The following DNM3 variants were observed in gnomAD, a reference collection of about 807,000 sequenced individuals.
DNM3 encodes the protein dynamin-3.
A neutral mutation model predicts 101.6 loss-of-function variants in DNM3; 47 were observed. The observed-to-expected ratio is 0.46, with a 90% CI of 0.37 to 0.59. DNM3 has a LOEUF of 0.59. Ranked by LOEUF, DNM3 falls within the 20% of genes least tolerant of loss-of-function variation. DNM3 has a pLI of 0.00. For missense variants in DNM3, 849 were observed against 1,085.7 expected, an observed-to-expected ratio of 0.78 and a Z score of 3.06; for synonymous variants, 385 against 387.9, an observed-to-expected ratio of 0.99 and a Z score of 0.09.
intron 20 of DNM3, among the ~76,000 whole-genome samples, chr1:172,405,777 C>T (rs2070839181): frequency 6.6e-6 from 1 of 151,914 alleles, no homozygotes; most frequent in Non-Finnish European, 1.5e-5. Context: ...GACAAACTCC[C>T]TGAGGGCAGG....
intron 15 of DNM3, among the ~76,000 whole-genome samples, chr1:172,269,473 A>G (rs757666785): frequency 9.9e-5 from 15 of 152,160 alleles, no homozygotes; most frequent in Non-Finnish European, 1.6e-4. Flanking sequence ...AATATGATCA[A>G]TTCTAAGAGA....
At position 172,106,847 on chromosome 1, in the gene DNM3, C is replaced by CTTTTTTTTTTTTTTTTTTTTTTTTTT. The variant is rs1165611083; in HGVS notation, c.1545+13996_1545+13997insTTTTTTTTTTTTTTTTTTTTTTTTTT. Among the ~76,000 whole-genome samples, 15 of 67,956 alleles carry CTTTTTTTTTTTTTTTTTTTTTTTTTT rather than the reference C, an allele frequency of 2.2e-4. 2 individuals carry two copies. Among genetic ancestry groups the CTTTTTTTTTTTTTTTTTTTTTTTTTT allele is most frequent in the African/African-American group, 7.6e-4 (12 of 15,792 alleles). 44.6% of individuals were successfully genotyped at this position (67,956 alleles called of 152,430 possible). On this transcript the variant is annotated intron_variant, in intron 13 of 20. Coordinates refer to ENST00000627582, the MANE Select transcript of DNM3 (RefSeq NM_015569.5). ...TTATTCAATTTAAGGTAACATTATT[C>CTTTTTTTTTTTTTTTTTTTTTTTTTT]TTTTTTTTTTTTTTTTTTTTTTTTG...
rs554417292 is a variant in DNM3 at position 172,375,773 on chromosome 1, C to G, written c.1894-3245C>G. On this transcript the variant is annotated intron_variant, in intron 17 of 20. Coordinates refer to ENST00000627582, the MANE Select transcript of DNM3 (RefSeq NM_015569.5). ...TTAAAATTTTCAGCTACTTGGGAGG[C>G]TGAGGCGGGACCATCGCTTAAAGCC... Among the ~76,000 whole-genome samples the G allele has an allele frequency of 9.7e-4, 146 of 151,156 alleles. 1 individual carries two copies. The highest frequency in any genetic ancestry group is 3.4e-3 in the African/African-American group (142 of 41,168).
intron 2 of DNM3, among the ~76,000 whole-genome samples, chr1:171,962,337 T>C (rs539226067): frequency 2.0e-5 from 3 of 152,068 alleles, no homozygotes; most frequent in African/African-American, 7.2e-5. Flanking sequence ...TGAGAATAGG[T>C]AGGTAAATTC....
intron 1 of DNM3, among the ~76,000 whole-genome samples, chr1:171,909,152 A>T (rs1261398887): frequency 6.6e-6 from 1 of 152,196 alleles, no homozygotes; most frequent in Admixed American, 6.5e-5. Flanking sequence ...AGAAAGTCAG[A>T]GGTGGTGGCT....
chr1:172,358,576 A>T (rs2067568340), intron 17 of DNM3, among the ~76,000 whole-genome samples: 1 of 152,066 alleles, frequency 6.6e-6, no homozygotes, highest in Non-Finnish European at 1.5e-5. Flanking sequence ...ACTCTCAGTC[A>T]GCTCCCTCCC....
chr1:171,928,230 C>T (rs1429787123), intron 2 of DNM3, among the ~76,000 whole-genome samples: 9 of 152,178 alleles, frequency 5.9e-5, no homozygotes, highest in Admixed American at 5.9e-4. Flanking sequence ...ACAGTTGCAG[C>T]TCTGTTCCCT....
intron 4 of DNM3, among the ~76,000 whole-genome samples, chr1:172,029,357 C>T (rs2048436843): frequency 6.6e-6 from 1 of 152,118 alleles, no homozygotes; most frequent in South Asian, 2.1e-4. Context: ...ATTCAACATC[C>T]CTTCATGCTA....
chr1:172,167,052 A>C (rs2058772282), intron 14 of DNM3, among the ~76,000 whole-genome samples: 1 of 151,886 alleles, frequency 6.6e-6, no homozygotes. Context: ...TATATCTCCT[A>C]ATGCTATCCC....
intron 15 of DNM3, among the ~76,000 whole-genome samples, chr1:172,257,877 A>AACACACACACACACAC (rs56955112): frequency 5.5e-5 from 8 of 145,120 alleles, no homozygotes; most frequent in African/African-American, 2.0e-4. Flanking sequence ...AACCCCCACC[A>AACACACACACACACAC]ACACACACAC....
intron 15 of DNM3, among the ~76,000 whole-genome samples, chr1:172,301,652 ATTAT>A (rs897283510): frequency 3.3e-5 from 5 of 152,248 alleles, no homozygotes; most frequent in African/African-American, 4.8e-5. Flanking sequence ...AAAAAGGAAA[ATTAT>A]TTAATTATCT....
At chr1:172,023,067 A>G (rs1282094296) in intron 4 of DNM3, among the ~76,000 whole-genome samples, 8 of 152,032 alleles carry the variant, frequency 5.3e-5, no homozygotes, top group Admixed American at 3.9e-4. Flanking sequence ...CGTATTCCCA[A>G]TCTCCCCTAC....
At chr1:172,304,402 C>A (rs1219527165) in intron 15 of DNM3, among the ~76,000 whole-genome samples, 1 of 151,788 alleles carries the variant, frequency 6.6e-6, no homozygotes, top group Non-Finnish European at 1.5e-5. Context: ...CCTTAGAGAC[C>A]TACAAAGAGA....
intron 15 of DNM3, among the ~76,000 whole-genome samples, chr1:172,280,032 C>T (rs1246992359): frequency 6.6e-6 from 1 of 152,148 alleles, no homozygotes; most frequent in African/African-American, 2.4e-5. Flanking sequence ...TCTCTGAACT[C>T]ATTTCTGAGT....
At chr1:172,257,097 A>G (rs2062434642) in intron 15 of DNM3, among the ~76,000 whole-genome samples, 2 of 152,070 alleles carry the variant, frequency 1.3e-5, no homozygotes, top group Admixed American at 1.3e-4. Context: ...TGTAGGTTCC[A>G]TGAGAGCTGA....
chr1:172,026,901 C>T (rs1181486400), intron 4 of DNM3, among the ~76,000 whole-genome samples: 2 of 152,142 alleles, frequency 1.3e-5, no homozygotes, highest in African/African-American at 4.8e-5. Context: ...GATCCACCCA[C>T]CTCAGCCTCC....
intron 14 of DNM3, among the ~76,000 whole-genome samples, chr1:172,165,951 T>A (rs2058728210): frequency 6.6e-6 from 1 of 152,016 alleles, no homozygotes. Flanking sequence ...GCTGGGTGCT[T>A]GGAATATAAA....
intron 15 of DNM3, among the ~76,000 whole-genome samples, chr1:172,307,008 A>G (rs1033985673): frequency 2.0e-5 from 3 of 152,236 alleles, no homozygotes; most frequent in African/African-American, 7.2e-5. Flanking sequence ...AACCACAACA[A>G]AAGCCAAAAT....
intron 4 of DNM3, among the ~76,000 whole-genome samples, chr1:172,010,472 G>A (rs1228625767): frequency 1.3e-5 from 2 of 150,778 alleles, no homozygotes; most frequent in Non-Finnish European, 3.0e-5. Context: ...TGAATTTTAG[G>A]TGATAATCTT....
Sources: gnomAD v4.1 joint callset for allele counts (sites outside exome capture counted in the v4.1 genomes callset) on GRCh38, gnomAD v4.1.1 for gene constraint, MANE v1.5 for transcripts, NCBI Gene and HGNC (gene_info 2026-07-23, HGNC 2026-07-21) for gene names.